COL6A3: variants seen among roughly 807,000 people sequenced by gnomAD.
The protein encoded by COL6A3 is collagen alpha-3(VI) chain.
Under a neutral mutation model 274.1 loss-of-function variants are expected in COL6A3, and 137 were observed. The ratio of observed to expected loss-of-function variants is 0.50; its 90% CI spans 0.44 to 0.58. The LOEUF is 0.58. Among genes scored for constraint, COL6A3 ranks in the 20% least tolerant of loss-of-function variants. COL6A3 has a pLI of 0.00. For missense variants in COL6A3, 3,950 were observed against 4,124.9 expected, an observed-to-expected ratio of 0.96 and a Z score of 1.16; for synonymous variants, 1,650 against 1,650.6, an observed-to-expected ratio of 1.00 and a Z score of 0.01.
chr2:237,334,660 C>T lies in COL6A3; in HGVS notation c.9195G>A (p.Gln3065=). Residue 3065 remains glutamine (Q), a synonymous_variant, in exon 41 of 44, where the codon CAG becomes CAA. Transcript: ENST00000295550. Reference sequence around the variant, plus strand: ...AACTTCCGTGGTAGGTGGCTCTGACCTGAGACCTCAGGTAGCAGACCACAG... The same window carrying T: ...AACTTCCGTGGTAGGTGGCTCTGACTTGAGACCTCAGGTAGCAGACCACAG... ...HVAVVCYLRS[Q]VRATYHGSFS... is the part of the protein sequence containing the mutation. 6.2e-7 allele frequency: 1 copy of T among 1,613,614 alleles called. No individual in the cohort carries two copies. Among genetic ancestry groups the T allele is most frequent in the Non-Finnish European group, 8.5e-7 (1 of 1,180,006 alleles).
rs886055807 is a variant in COL6A3 at position 237,365,890 on chromosome 2, C to T, written c.5646G>A (p.Ser1882=). The T allele has an allele frequency of 6.2e-6, 10 of 1,614,022 alleles. 1 individual carries two copies. The highest frequency in any genetic ancestry group is 3.3e-5 in the South Asian group (3 of 91,074). The change falls in exon 12 of 44, where the codon TCG becomes TCA. Residue 1882 remains serine (S), a synonymous_variant. Transcript: ENST00000295550. ...MHRVSCSGGR[S]PTVRVSVVAN... is the part of the protein sequence containing the mutation. ...CCACCACTGACACACGCACGGTGGG[C>T]GAGCGGCCACCGCTGCAGCTGACCC... is the stretch of plus-strand genomic sequence containing the variant.
At chr2:237,395,533 G>A (rs528003821) in intron 2 of COL6A3, among the ~76,000 whole-genome samples, 6 of 152,238 alleles carry the variant, frequency 3.9e-5, no homozygotes, top group Admixed American at 2.0e-4. Context: ...TGAGCCCCAA[G>A]ACCCACCTGA....
chr2:237,362,236 A>G (rs1204731172), intron 14 of COL6A3, among the ~76,000 whole-genome samples: 1 of 152,206 alleles, frequency 6.6e-6, no homozygotes, highest in Non-Finnish European at 1.5e-5. Flanking sequence ...TCCAGAACAG[A>G]TATCCATGAC....
Position 237,414,123 on chromosome 2 carries a change from G to A in COL6A3, c.-201C>T, listed in dbSNP as rs1252319451. The stretch of plus-strand genomic sequence containing the variant: ...GAAAACTCTTGCAGTCCTTGCAGGA[G>A]GCTGGAGCCCAGGAGAACTGAACGG... On this transcript the variant is annotated 5_prime_UTR_variant, in exon 1 of 44. Coordinates refer to ENST00000295550, the MANE Select transcript of COL6A3 (RefSeq NM_004369.4). 1.3e-5 allele frequency: 2 copies of A among 152,214 alleles called. No homozygotes were observed. Among genetic ancestry groups the A allele is most frequent in the African/African-American group, 4.8e-5 (2 of 41,464 alleles). The allele number at this position is 152,214 out of a possible 1,614,324, so 9.4% of individuals were successfully genotyped here. A position where few individuals can be genotyped will look rare whatever the true frequency, so the allele number is the denominator to read the frequency against.
intron 2 of COL6A3, 138 bp from the exon 3 acceptor site, chr2:237,395,342 G>C (rs1011622676): frequency 1.1e-6 from 1 of 911,154 alleles, no homozygotes; most frequent in Non-Finnish European, 1.7e-6. Context: ...ATACAGGAAG[G>C]TAGACTCACT....
At chr2:237,379,510 GTGATCAGAATCCT>G in intron 5 of COL6A3, among the ~76,000 whole-genome samples, 1 of 152,146 alleles carries the variant, frequency 6.6e-6, no homozygotes. Flanking sequence ...GACAACAAAA[GTGATCAGAATCCT>G]TGAAACCAAA....
In COL6A3 at chr2:237,376,841, T is replaced by C. The variant is rs977976932; in HGVS notation, c.3001A>G (p.Lys1001Glu). ...AFILAAESLPKIGDLHPQIVN... is the reference protein window; with the variant it reads ...AFILAAESLPEIGDLHPQIVN... Reference sequence around the variant, plus strand: ...ATCTGTGGATGAAGATCTCCAATCTTGGGAAGCGACTCTGCAGCCAGGATA... The same window carrying C: ...ATCTGTGGATGAAGATCTCCAATCTCGGGAAGCGACTCTGCAGCCAGGATA... The change falls in exon 7 of 44, where the codon AAG (lysine) becomes GAG (glutamate). Residue 1001 changes from lysine (K) to glutamate (E), a missense_variant. Lys to Glu is a moderately conservative substitution (Grantham distance 56). Around this residue, in one of 5 missense-constraint regions of COL6A3, gnomAD observed 1,934 missense variants for 1,984.3 expected, o/e 0.97. Transcript: ENST00000295550. 11 of 1,614,042 alleles carry C rather than the reference T, an allele frequency of 6.8e-6. No homozygotes were observed. The Admixed American group carries it at 1.5e-4, about 22-fold the overall frequency.
intron 28 of COL6A3, among the ~76,000 whole-genome samples, chr2:237,349,063 A>T (rs1279702248): frequency 6.6e-6 from 1 of 151,328 alleles, no homozygotes; most frequent in Non-Finnish European, 1.5e-5. Flanking sequence ...AAAACACTGA[A>T]CTCCATCTCT....
Position 237,374,429 on chromosome 2 carries a change from T to C in COL6A3, c.3662A>G (p.Gln1221Arg), listed in dbSNP as rs376409445. 6.2e-7 allele frequency: 1 copy of C among 1,613,138 alleles called. No homozygotes were observed. Among genetic ancestry groups the C allele is most frequent in the Non-Finnish European group, 8.5e-7 (1 of 1,179,956 alleles). ...CTGCGTACCTGGGCTCGGTAGAGGC[T>C]GCAACACCGGCTGCAGCCTGCTCAG... Reference protein sequence around the residue: ...EELSRLQPVLQPLPSPGVGGK... With the variant: ...EELSRLQPVLRPLPSPGVGGK... The change falls in exon 8 of 44, where the codon CAG (glutamine) becomes CGG (arginine). Residue 1221 changes from glutamine to arginine, a missense_variant. By Grantham distance (43) the Gln-to-Arg change is conservative (BLOSUM62 1). Coordinates refer to ENST00000295550, the MANE Select transcript of COL6A3 (RefSeq NM_004369.4). This position sits in a 1 kb window ranked among gnomAD's most constrained non-coding sequence, Gnocchi z 4.8.
chr2:237,395,247 C>A (rs764459638), intron 2 of COL6A3, 43 bp from the exon 3 acceptor site: 2 of 1,604,790 alleles, frequency 1.2e-6, no homozygotes, highest in Non-Finnish European at 8.5e-7. Context: ...ACTATGTAAG[C>A]AATTACTTCC....
Position 237,381,089 on chromosome 2 carries a change from T to C in COL6A3, c.1723A>G (p.Ser575Gly). 6.2e-7 allele frequency: 1 copy of C among 1,614,264 alleles called. No homozygotes were observed. The highest frequency in any genetic ancestry group is 8.5e-7 in the Non-Finnish European group (1 of 1,180,044). The change falls in exon 5 of 44, where the codon AGC becomes GGC. Residue 575 changes from serine (S) to glycine (G), a missense_variant. Ser to Gly is a moderately conservative substitution (Grantham distance 56). Coordinates refer to ENST00000295550, the MANE Select transcript of COL6A3 (RefSeq NM_004369.4). ...CCAATGGCAAAGGCCATTATGCTGCTTCTCTTCAGCTCCTGGGCAGGCTGG... is the reference window on the plus strand; with the variant it reads ...CCAATGGCAAAGGCCATTATGCTGCCTCTCTTCAGCTCCTGGGCAGGCTGG... ...ISQPAQELKR[S>G]SIMAFAIGNK...
intron 5 of COL6A3, among the ~76,000 whole-genome samples, chr2:237,379,483 A>G (rs945572111): frequency 6.6e-6 from 1 of 152,212 alleles, no homozygotes; most frequent in African/African-American, 2.4e-5. Flanking sequence ...TACAACATCA[A>G]AGTTAGAATG....
chr2:237,375,520 T>A (rs2077814413), intron 7 of COL6A3, among the ~76,000 whole-genome samples: 1 of 152,152 alleles, frequency 6.6e-6, no homozygotes, highest in African/African-American at 2.4e-5. Context: ...GATTTTTGTT[T>A]TTGTTTTTGT....
chr2:237,393,471 T>C (rs1185431187), intron 3 of COL6A3, among the ~76,000 whole-genome samples: 2 of 152,194 alleles, frequency 1.3e-5, no homozygotes, highest in Non-Finnish European at 2.9e-5. Context: ...TCCACCTGAA[T>C]ATCTTGGAAA....
At chr2:237,376,412 C>T (rs148223357) in intron 7 of COL6A3, among the ~76,000 whole-genome samples, 1 of 152,290 alleles carries the variant, frequency 6.6e-6, no homozygotes, top group Non-Finnish European at 1.5e-5. Flanking sequence ...AAGATGAAGG[C>T]TGTTTTAGGT....
At chr2:237,377,854 C>T (rs2077892110) in intron 6 of COL6A3, among the ~76,000 whole-genome samples, 1 of 152,170 alleles carries the variant, frequency 6.6e-6, no homozygotes, top group African/African-American at 2.4e-5. Flanking sequence ...GGTTACGGGC[C>T]AAGACCCACA....
chr2:237,406,523 T>C (rs1373768258), intron 1 of COL6A3, among the ~76,000 whole-genome samples: 1 of 152,154 alleles, frequency 6.6e-6, no homozygotes, highest in Non-Finnish European at 1.5e-5. Flanking sequence ...GCACACTGAC[T>C]GTGAAATAGA....
intron 28 of COL6A3, 143 bp from the exon 29 acceptor site, chr2:237,348,806 T>C (rs1321508896): frequency 2.7e-6 from 2 of 739,138 alleles, no homozygotes; most frequent in Non-Finnish European, 4.9e-6. Context: ...TAGGCACACT[T>C]CCTGCTCCTG....
chr2:237,374,244 G>C lies in COL6A3; in HGVS notation c.3679+168C>G, dbSNP rs1489039839. 1.3e-5 allele frequency among the ~76,000 whole-genome samples: 2 copies of C among 152,160 alleles called. No individual in the cohort carries two copies. The highest frequency in any genetic ancestry group is 2.9e-5 in the Non-Finnish European group (2 of 68,046). ...CCCCCCTTGAACCTCTGCCATTTCT[G>C]CCCATCGAGGCCAAAAAGGGCATGT... On this transcript the variant is annotated intron_variant, in intron 8 of 43. Transcript: ENST00000295550. The surrounding 1 kb of genome is among the most constrained non-coding windows in gnomAD (Gnocchi z 4.8).
Sources: allele counts gnomAD v4.1 joint callset (sites outside exome capture counted in the v4.1 genomes callset), GRCh38; gene constraint gnomAD v4.1.1; regional missense constraint gnomAD v4.1.1; non-coding constraint Gnocchi (gnomAD v3.1); transcripts MANE v1.5; gene names NCBI Gene and HGNC (gene_info 2026-07-23, HGNC 2026-07-21).